The following CMYA5 variants were observed in gnomAD, a reference collection of about 807,000 sequenced individuals.
CMYA5 encodes cardiomyopathy associated 5, also known as cardiomyopathy-associated protein 5.
A neutral mutation model predicts 318.9 loss-of-function variants in CMYA5; 246 were observed. The observed-to-expected ratio is 0.77, with a 90% CI of 0.70 to 0.86. CMYA5 has a LOEUF of 0.86. Ranked by LOEUF, CMYA5 falls within the 40% of genes least tolerant of loss-of-function variation. The pLI, the probability that CMYA5 is intolerant of heterozygous loss-of-function variation, is 0.00. For synonymous variants in CMYA5, 1,641 were observed against 1,729.5 expected (o/e 0.95, Z 1.27); for missense variants, 4,589 against 4,678.2 (o/e 0.98, Z 0.56).
chr5:79,793,395 C>T lies in CMYA5; in HGVS notation c.11790-42C>T, dbSNP rs371657863. 1,182 of 1,561,588 alleles carry T rather than the reference C, an allele frequency of 7.6e-4. 16 individuals are homozygous for T. In the South Asian group the frequency reaches 0.013, roughly 17 times the overall value. On this transcript the variant is annotated intron_variant, in intron 11 of 12. Coordinates refer to ENST00000446378, the MANE Select transcript of CMYA5 (RefSeq NM_153610.5). ...TTTATGCTTATGAGATACAGGCCGG[C>T]GATTCCTGCACTGAGCATACTCTGA...
chr5:79,760,799 T>G (rs1828636552), intron 7 of CMYA5, among the ~76,000 whole-genome samples: 1 of 152,116 alleles, frequency 6.6e-6, no homozygotes, highest in Non-Finnish European at 1.5e-5. Context: ...CCAGTGAAAA[T>G]TGCAGACACA....
chr5:79,789,010 C>T lies in CMYA5; in HGVS notation c.11595C>T (p.Asn3865=). 6.2e-7 allele frequency: 1 copy of T among 1,613,856 alleles called. No individual in the cohort carries two copies. The highest frequency in any genetic ancestry group is 8.5e-7 in the Non-Finnish European group (1 of 1,179,792). The part of the protein sequence containing the change: ...SGIKGLQLKV[N]LQPNDNYFFY... ...TCAAAGGACTCCAGCTGAAAGTTAA[C>T]CTCCAACCCAATGATAACTACTTTT... is the stretch of plus-strand genomic sequence containing the variant. Residue 3865 remains asparagine, a synonymous_variant, in exon 10 of 13, where the codon AAC becomes AAT. Transcript: ENST00000446378.
At chr5:79,797,049 A>G (rs1032131424) in intron 12 of CMYA5, among the ~76,000 whole-genome samples, 1 of 152,242 alleles carries the variant, frequency 6.6e-6, no homozygotes, top group Non-Finnish European at 1.5e-5. Context: ...CAATCTAGAA[A>G]TGGTTAATTT....
chr5:79,792,071 A>G (rs1388580445), intron 11 of CMYA5, among the ~76,000 whole-genome samples: 1 of 152,228 alleles, frequency 6.6e-6, no homozygotes, highest in Non-Finnish European at 1.5e-5. Context: ...TTTCCCTGTC[A>G]CATTGCTACT....
chr5:79,731,463 G>T lies in CMYA5; in HGVS notation c.2698G>T (p.Ala900Ser). Reference protein sequence around the residue: ...LERYTPSSTSASEFSVPPYAT... With the variant: ...LERYTPSSTSSSEFSVPPYAT... The stretch of plus-strand genomic sequence containing the variant: ...ACGATACACACCCTCTTCTACATCT[G>T]CTTCTGAATTTTCAGTACCACCATA... Residue 900 changes from alanine to serine, a missense_variant, in exon 2 of 13, where the codon GCT becomes TCT. Ala to Ser is a moderately conservative substitution (Grantham distance 99). This residue lies in a region of CMYA5 where 2,132 missense variants were observed against 2,131.3 expected (regional missense o/e 1.00). Transcript: ENST00000446378. The T allele has an allele frequency of 6.2e-7, 1 of 1,609,234 alleles. No individual in the cohort carries two copies.
chr5:79,690,791 CTG>C (rs766621561), intron 1 of CMYA5, among the ~76,000 whole-genome samples: 1 of 152,120 alleles, frequency 6.6e-6, no homozygotes, highest in Non-Finnish European at 1.5e-5. Flanking sequence ...TTTTTCCTGA[CTG>C]TGTGTCAGTC....
chr5:79,773,265 G>A lies in CMYA5; in HGVS notation c.11555+10056G>A, dbSNP rs181270681. Among the ~76,000 whole-genome samples the A allele has an allele frequency of 2.6e-5, 4 of 152,304 alleles. No individual in the cohort carries two copies. In the East Asian group the frequency reaches 7.7e-4, roughly 29 times the overall value. On this transcript the variant is annotated intron_variant, in intron 9 of 12. Transcript: ENST00000446378. Reference sequence around the variant, plus strand: ...CAATTAGCATCAAACACATAACACTGACTAGTAAGAAAAGTTAGTCTAGCT... The same window carrying A: ...CAATTAGCATCAAACACATAACACTAACTAGTAAGAAAAGTTAGTCTAGCT...
chr5:79,735,684 G>A lies in CMYA5; in HGVS notation c.6919G>A (p.Val2307Ile). Residue 2307 changes from valine (V) to isoleucine (I), a missense_variant, in exon 2 of 13, where the codon GTT becomes ATT. By Grantham distance (29) the Val-to-Ile change is conservative. Around this residue, in one of 3 missense-constraint regions of CMYA5, gnomAD observed 2,431 missense variants for 2,495.1 expected, o/e 0.97. Coordinates refer to ENST00000446378, the MANE Select transcript of CMYA5 (RefSeq NM_153610.5). ...AGAGGAAATGAACATAAACTCAGTA[G>A]TTACTTCTGCTGATGGTGAGAACCT... The part of the protein sequence containing the change: ...DSEEMNINSV[V>I]TSADGENLEI... 7 of 1,608,376 alleles carry A rather than the reference G, an allele frequency of 4.4e-6. No individual in the cohort carries two copies. The highest frequency in any genetic ancestry group is 5.9e-6 in the Non-Finnish European group (7 of 1,178,580).
intron 1 of CMYA5, among the ~76,000 whole-genome samples, chr5:79,693,557 G>T (rs780939420): frequency 7.9e-5 from 12 of 152,002 alleles, no homozygotes; most frequent in Admixed American, 5.2e-4. Context: ...GCCCAGGCTG[G>T]TCTTGAACTC....
chr5:79,703,696 T>C (rs1827214571), intron 1 of CMYA5, among the ~76,000 whole-genome samples: 3 of 152,212 alleles, frequency 2.0e-5, no homozygotes, highest in African/African-American at 7.2e-5. Flanking sequence ...GAGATTCTCT[T>C]TAGTTAGCTT....
chr5:79,739,088 G>T lies in CMYA5; in HGVS notation c.10323G>T (p.Leu3441=). ...CTCAAGACATATTATCAGAAGAACT[G>T]TCTTCAGAATCCACACCTGAAGATG... ...VVPQDILSEE[L]SSESTPEDVL... The change falls in exon 2 of 13, where the codon CTG becomes CTT. Residue 3441 remains leucine (L), a synonymous_variant. Transcript: ENST00000446378. The T allele has an allele frequency of 6.2e-7, 1 of 1,613,804 alleles. No individual in the cohort carries two copies. The highest frequency in any genetic ancestry group is 1.1e-5 in the South Asian group (1 of 91,076).
intron 9 of CMYA5, among the ~76,000 whole-genome samples, chr5:79,765,294 A>G (rs174080): frequency 0.82 from 124,337 of 152,162 alleles, 51,516 homozygotes; most frequent in East Asian, 0.98. Context: ...AGTTCAGCTG[A>G]TTGTAGATGT....
Position 79,733,538 on chromosome 5 carries a change from G to A in CMYA5, c.4773G>A (p.Lys1591=). The A allele has an allele frequency of 6.2e-7, 1 of 1,613,918 alleles. No individual in the cohort carries two copies. The highest frequency in any genetic ancestry group is 8.5e-7 in the Non-Finnish European group (1 of 1,179,836). Residue 1591 remains lysine, a synonymous_variant, in exon 2 of 13, where the codon AAG becomes AAA. Transcript: ENST00000446378. ...APTLLLLSDD[K]NKPAVEVSST... Reference sequence around the variant, plus strand: ...CATTACTGCTCCTCAGTGATGATAAGAACAAACCGGCAGTGGAGGTATCTT... The same window carrying A: ...CATTACTGCTCCTCAGTGATGATAAAAACAAACCGGCAGTGGAGGTATCTT...
rs116073172 is a variant in CMYA5, at chr5:79,788,892, C to G, written c.11556-79C>G. On this transcript the variant is annotated intron_variant, in intron 9 of 12. Coordinates refer to ENST00000446378, the MANE Select transcript of CMYA5 (RefSeq NM_153610.5). ...TTATTTGTTGCTAATAAAAGATGTTCATTCACTACCAAATTGAAATAGGAA... is the reference window on the plus strand; with the variant it reads ...TTATTTGTTGCTAATAAAAGATGTTGATTCACTACCAAATTGAAATAGGAA... 3,587 of 1,375,686 alleles carry G rather than the reference C, an allele frequency of 2.6e-3. 56 individuals carry two copies. The African/African-American group carries it at 0.036, about 14-fold the overall frequency. The allele number at this position is 1,375,686 out of a possible 1,614,324, so 85.2% of individuals were successfully genotyped here.
intron 9 of CMYA5, among the ~76,000 whole-genome samples, chr5:79,773,048 G>A (rs747383091): frequency 3.9e-5 from 6 of 152,150 alleles, no homozygotes; most frequent in Non-Finnish European, 8.8e-5. Context: ...TCTTCACTTT[G>A]ATTCTTTGCA....
In CMYA5 at chr5:79,731,134, G is replaced by A. The variant is rs183648327; in HGVS notation, c.2369G>A (p.Arg790His). The change falls in exon 2 of 13, where the codon CGT becomes CAT. Residue 790 changes from arginine to histidine, a missense_variant. By Grantham distance (29) the Arg-to-His change is conservative. This residue lies in a region of CMYA5 where 2,132 missense variants were observed against 2,131.3 expected (regional missense o/e 1.00). Coordinates refer to ENST00000446378, the MANE Select transcript of CMYA5 (RefSeq NM_153610.5). ...PSEGEDLGSE[R>H]FTPDSKLISK... ...GAAGGAGAGGACCTAGGAAGTGAAC[G>A]TTTCACACCGGATTCAAAGTTGATC... is the stretch of plus-strand genomic sequence containing the variant. 22 of 1,613,988 alleles carry A rather than the reference G, an allele frequency of 1.4e-5. No individual in the cohort carries two copies. The East Asian group carries it at 2.7e-4, about 20-fold the overall frequency.
At chr5:79,791,751 C>G (rs918531130) in intron 11 of CMYA5, among the ~76,000 whole-genome samples, 2 of 148,878 alleles carry the variant, frequency 1.3e-5, no homozygotes, top group Non-Finnish European at 3.0e-5. Flanking sequence ...AAGAGAAGGA[C>G]AGTTTATTGA....
At chr5:79,771,060 G>C (rs1365785077) in intron 9 of CMYA5, among the ~76,000 whole-genome samples, 1 of 147,498 alleles carries the variant, frequency 6.8e-6, no homozygotes, top group Non-Finnish European at 1.5e-5. Context: ...CAAAACAGAG[G>C]GAGAGAGGAA....
Position 79,736,677 on chromosome 5 carries a change from G to A in CMYA5, c.7912G>A (p.Val2638Met). 1 of 1,613,618 alleles carries A rather than the reference G, an allele frequency of 6.2e-7. No individual in the cohort carries two copies. The highest frequency in any genetic ancestry group is 1.3e-5 in the African/African-American group (1 of 74,958). The change falls in exon 2 of 13, where the codon GTG becomes ATG. Residue 2638 changes from valine (V) to methionine (M), a missense_variant. By Grantham distance (21) the Val-to-Met change is conservative (BLOSUM62 1). Transcript: ENST00000446378. Reference sequence around the variant, plus strand: ...GGAGAAAACCAAGACTTTCCTGCCGGTGGCTCTTTCTTGTCGTGATGAAAT... The same window carrying A: ...GGAGAAAACCAAGACTTTCCTGCCGATGGCTCTTTCTTGTCGTGATGAAAT... ...LVEKTKTFLP[V>M]ALSCRDEIEN... is the part of the protein sequence containing the mutation.
Sources: gnomAD v4.1 joint callset for allele counts (sites outside exome capture counted in the v4.1 genomes callset) on GRCh38, gnomAD v4.1.1 for gene constraint, gnomAD v4.1.1 regional missense constraint, MANE v1.5 for transcripts, NCBI Gene and HGNC (gene_info 2026-07-23, HGNC 2026-07-21) for gene names.